Variants in CNTNAP3B observed in about 807,000 individuals in gnomAD.
CNTNAP3B encodes the protein contactin associated protein family member 3B.
Under a neutral mutation model 108.9 loss-of-function variants are expected in CNTNAP3B, and 25 were observed. The ratio of observed to expected loss-of-function variants is 0.23; its 90% confidence interval spans 0.17 to 0.32. CNTNAP3B has a LOEUF of 0.32. Among genes scored for constraint, CNTNAP3B ranks in the 10% least tolerant of loss-of-function variants. CNTNAP3B has a pLI of 1.00. For missense variants in CNTNAP3B, 252 were observed against 1,210.4 expected (o/e 0.21, Z 11.75); for synonymous variants, 103 against 473.4 (o/e 0.22, Z 10.16).
Position 41,950,316 on chromosome 9 carries a change from C to T in CNTNAP3B, c.2080+2867G>A, listed in dbSNP as rs1220541261. ...GGAATGGTACAACCATTCTAGAAAA[C>T]AATTTGGCAGCTTTTTATAAAACTA... On this transcript the variant is annotated intron_variant, in intron 13 of 23. Coordinates refer to ENST00000377561, the MANE Select transcript of CNTNAP3B (RefSeq NM_001201380.3). Among the ~76,000 whole-genome samples the T allele has an allele frequency of 3.4e-3, 403 of 117,208 alleles. 1 individual carries two copies. Among genetic ancestry groups the T allele is most frequent in the African/African-American group, 7.2e-3 (222 of 30,876 alleles). 76.9% of individuals were successfully genotyped at this position (117,208 alleles called of 152,430 possible).
chr9:42,032,906 A>ACCAC (rs1221230055), intron 3 of CNTNAP3B, among the ~76,000 whole-genome samples: 2 of 136,394 alleles, frequency 1.5e-5, no homozygotes, highest in Non-Finnish European at 3.1e-5. Flanking sequence ...TTCCTATAAG[A>ACCAC]CCACCGTCCT....
intron 15 of CNTNAP3B, among the ~76,000 whole-genome samples, chr9:41,928,159 C>G (rs1489829614): frequency 6.6e-6 from 1 of 152,272 alleles, no homozygotes; most frequent in Non-Finnish European, 1.5e-5. Context: ...TACTTGCAAG[C>G]TAACAATTTA....
At chr9:42,070,682 A>G (rs1380212592) in intron 3 of CNTNAP3B, among the ~76,000 whole-genome samples, 1,938 of 151,370 alleles carry the variant, frequency 0.013, 21 homozygotes, top group African/African-American at 0.046. Context: ...CATAGCAGGT[A>G]CCGAGTCAGT....
chr9:41,951,224 T>C (rs1200327203), intron 13 of CNTNAP3B, among the ~76,000 whole-genome samples: 4 of 146,958 alleles, frequency 2.7e-5, no homozygotes, highest in Non-Finnish European at 6.0e-5. Flanking sequence ...TGTATGTAAA[T>C]CTACAATTAT....
At chr9:42,081,314 TC>T (rs1447239590) in intron 2 of CNTNAP3B, among the ~76,000 whole-genome samples, 1 of 148,818 alleles carries the variant, frequency 6.7e-6, no homozygotes, top group Admixed American at 6.7e-5. Context: ...CGCTGTTTTG[TC>T]CCTAAATGTT....
Position 42,113,192 on chromosome 9 carries a change from C to A in CNTNAP3B, c.86-8453G>T, listed in dbSNP as rs1174219395. On this transcript the variant is annotated intron_variant, in intron 1 of 23. Transcript: ENST00000377561. ...AATCTGCATATGAGAAGATAATGGACAAAGAGATCTGCTGGATTGAGATGA... is the reference window on the plus strand; with the variant it reads ...AATCTGCATATGAGAAGATAATGGAAAAAGAGATCTGCTGGATTGAGATGA... Among the ~76,000 whole-genome samples, 20 of 134,694 alleles carry A rather than the reference C, an allele frequency of 1.5e-4. 2 individuals are homozygous for A. Among genetic ancestry groups the A allele is most frequent in the African/African-American group, 6.0e-4 (20 of 33,350 alleles). 88.4% of individuals were successfully genotyped at this position (134,694 alleles called of 152,430 possible).
At chr9:42,116,863 G>C (rs1587285070) in intron 1 of CNTNAP3B, among the ~76,000 whole-genome samples, 1 of 137,658 alleles carries the variant, frequency 7.3e-6, no homozygotes. Context: ...AAAAAAAGCA[G>C]GGGTTGGAAT....
chr9:41,968,121 T>C (rs1480616027), intron 10 of CNTNAP3B, among the ~76,000 whole-genome samples: 1 of 152,136 alleles, frequency 6.6e-6, no homozygotes, highest in Non-Finnish European at 1.5e-5. Context: ...ATGGATCATC[T>C]CTGAAAAGAG....
intron 9 of CNTNAP3B, among the ~76,000 whole-genome samples, chr9:41,982,224 C>T (rs1356306109): frequency 1.8e-5 from 1 of 56,578 alleles, no homozygotes; most frequent in African/African-American, 8.9e-5. Context: ...ACAAATGGGA[C>T]CTAATTAAAC....
chr9:41,894,243 A>G (rs1823381845), intron 23 of CNTNAP3B, 133 bp from the exon 24 acceptor site: 1 of 327,996 alleles, frequency 3.0e-6, no homozygotes, highest in Non-Finnish European at 5.5e-6. Context: ...CCTCCCAAGT[A>G]GCTGAGACTA....
At position 41,973,932 on chromosome 9, in the gene CNTNAP3B, C is replaced by T. The variant is rs1226290768; in HGVS notation, c.1478-3687G>A. ...CCATCTCGGTTCACTGCAACCTTTGCCTTCCAGGTTCAAGGAATTCTCCTG... is the reference window on the plus strand; with the variant it reads ...CCATCTCGGTTCACTGCAACCTTTGTCTTCCAGGTTCAAGGAATTCTCCTG... On this transcript the variant is annotated intron_variant, in intron 9 of 23. Coordinates refer to ENST00000377561, the MANE Select transcript of CNTNAP3B (RefSeq NM_001201380.3). 2.1e-4 allele frequency among the ~76,000 whole-genome samples: 29 copies of T among 136,664 alleles called. 6 individuals are homozygous for T. The highest frequency in any genetic ancestry group is 7.0e-4 in the African/African-American group (24 of 34,106). 89.7% of individuals were successfully genotyped at this position (136,664 alleles called of 152,430 possible). A position where few individuals can be genotyped will look rare whatever the true frequency, so the allele number is the denominator to read the frequency against.
At chr9:41,928,365 A>C (rs1297488694) in intron 15 of CNTNAP3B, among the ~76,000 whole-genome samples, 3 of 152,188 alleles carry the variant, frequency 2.0e-5, no homozygotes, top group African/African-American at 7.2e-5. Context: ...GTAGGTTTGC[A>C]TCTCAGATGA....
chr9:41,961,260 T>C (rs1439250037), intron 11 of CNTNAP3B, among the ~76,000 whole-genome samples: 7 of 152,290 alleles, frequency 4.6e-5, no homozygotes, highest in Admixed American at 1.3e-4. Flanking sequence ...CAATAGACAA[T>C]CTTTTGGCAA....
chr9:41,919,296 A>G (rs1189481354), intron 18 of CNTNAP3B, among the ~76,000 whole-genome samples: 827 of 150,344 alleles, frequency 5.5e-3, no homozygotes, highest in African/African-American at 0.02. Flanking sequence ...TTGTATTTTT[A>G]GTAAAGATGA....
chr9:42,128,440 G>C lies in CNTNAP3B; in HGVS notation c.85+570C>G. Among the ~76,000 whole-genome samples, 2 of 135,778 alleles carry C rather than the reference G, an allele frequency of 1.5e-5. 1 individual carries two copies. Among genetic ancestry groups the C allele is most frequent in the East Asian group, 4.5e-4 (2 of 4,476 alleles). The allele number at this position is 135,778 out of a possible 152,430, so 89.1% of individuals were successfully genotyped here. On this transcript the variant is annotated intron_variant, in intron 1 of 23. Transcript: ENST00000377561. ...AACCAAGAACTTTCTACTGAGAAACGAAGCCCCTGACAGGGGTGTTCAAGT... is the reference window on the plus strand; with the variant it reads ...AACCAAGAACTTTCTACTGAGAAACCAAGCCCCTGACAGGGGTGTTCAAGT...
intron 11 of CNTNAP3B, among the ~76,000 whole-genome samples, chr9:41,962,389 T>C (rs1241123125): frequency 2.0e-5 from 3 of 152,260 alleles, no homozygotes; most frequent in African/African-American, 7.2e-5. Context: ...CCTCAGAAGT[T>C]TTTGGAGTTA....
chr9:41,961,081 T>C (rs1382597078), intron 11 of CNTNAP3B, among the ~76,000 whole-genome samples, 189 bp from the exon 12 acceptor site: 1 of 152,306 alleles, frequency 6.6e-6, no homozygotes, highest in Non-Finnish European at 1.5e-5. Flanking sequence ...CTATTTTTAT[T>C]AACAAAGGAG....
At chr9:42,041,380 C>G (rs1433626915) in intron 3 of CNTNAP3B, among the ~76,000 whole-genome samples, 1 of 151,486 alleles carries the variant, frequency 6.6e-6, no homozygotes, top group East Asian at 1.9e-4. Context: ...AGAATTTAAA[C>G]AAATTTACAA....
rs924159744 is a variant in CNTNAP3B at position 42,112,167 on chromosome 9, C to T, written c.86-7428G>A. ...GATGCATGCACCAATGCTCCTTGAC[C>T]GCTCACCCGATGACATTGCAGCCCC... On this transcript the variant is annotated intron_variant, in intron 1 of 23. Transcript: ENST00000377561. 1.1e-4 allele frequency among the ~76,000 whole-genome samples: 15 copies of T among 139,950 alleles called. 5 individuals are homozygous for T. The highest frequency in any genetic ancestry group is 4.0e-4 in the African/African-American group (14 of 35,396). The allele number at this position is 139,950 out of a possible 152,430, so 91.8% of individuals were successfully genotyped here.
Sources: gnomAD v4.1 joint callset for allele counts (sites outside exome capture counted in the v4.1 genomes callset) on GRCh38, gnomAD v4.1.1 for gene constraint, MANE v1.5 for transcripts, NCBI Gene and HGNC (gene_info 2026-07-23, HGNC 2026-07-21) for gene names.